Variants in RFX1 observed in about 807,000 individuals in gnomAD.
RFX1 encodes the protein MHC class II regulatory factor RFX1.
A neutral mutation model predicts 119.6 loss-of-function variants in RFX1; 42 were observed. The ratio of observed to expected loss-of-function variants is 0.35; its 90% confidence interval spans 0.27 to 0.45. RFX1 has a LOEUF of 0.45. Among genes scored for constraint, RFX1 ranks in the 20% least tolerant of loss-of-function variants. RFX1 has a pLI of 1.00. For missense variants in RFX1, 1,118 were observed against 1,368.1 expected, an observed-to-expected ratio of 0.82 and a Z score of 2.88; for synonymous variants, 628 against 618.5, an observed-to-expected ratio of 1.02 and a Z score of -0.23.
chr19:13,988,865 T>C (rs1974703499), intron 2 of RFX1, among the ~76,000 whole-genome samples: 1 of 151,886 alleles, frequency 6.6e-6, no homozygotes, highest in South Asian at 2.1e-4. Context: ...TACCAAAAAA[T>C]ACAAAAATTA....
intron 8 of RFX1, 71 bp from the exon 9 acceptor site, chr19:13,973,198 A>C: frequency 2.0e-5 from 17 of 855,512 alleles, no homozygotes; most frequent in East Asian, 3.5e-5. Context: ...ATGACTGTGC[A>C]GGAAGGGGGG....
In RFX1 at chr19:13,990,159, G is replaced by A. The variant is rs562089321; in HGVS notation, c.319+3366C>T. On this transcript the variant is annotated intron_variant, in intron 2 of 20. Transcript: ENST00000254325. This position sits in a 1 kb window ranked among gnomAD's most constrained non-coding sequence, Gnocchi z 4.1. The stretch of plus-strand genomic sequence containing the variant: ...GACACAGGATGAGGCCATCGTTAAG[G>A]GAGAACTACAGGAGCTAAGAGAGGT... Among the ~76,000 whole-genome samples the A allele has an allele frequency of 6.6e-6, 1 of 152,214 alleles. No individual in the cohort carries two copies. The highest frequency in any genetic ancestry group is 2.4e-5 in the African/African-American group (1 of 41,536).
intron 8 of RFX1, among the ~76,000 whole-genome samples, chr19:13,975,298 G>T (rs1487119611): frequency 6.6e-6 from 1 of 151,674 alleles, no homozygotes; most frequent in East Asian, 1.9e-4. Flanking sequence ...GAAGGTGGAG[G>T]TTGCAGTGAG....
chr19:13,964,135 CT>C (rs958728923), intron 16 of RFX1, 128 bp from the exon 17 acceptor site: 1 of 1,045,112 alleles, frequency 9.6e-7, no homozygotes, highest in African/African-American at 1.6e-5. Context: ...TGCCTCGCTA[CT>C]TTTGTTGGGA....
rs1249964454 is a variant in RFX1 at position 13,983,508 on chromosome 19, T to C, written c.407A>G (p.Gln136Arg). 6.2e-7 allele frequency: 1 copy of C among 1,610,958 alleles called. No homozygotes were observed. The highest frequency in any genetic ancestry group is 1.1e-5 in the South Asian group (1 of 90,780). The change falls in exon 3 of 21, where the codon CAG becomes CGG. Residue 136 changes from glutamine (Q) to arginine (R), a missense_variant. Gln to Arg is a conservative substitution (Grantham distance 43). Coordinates refer to ENST00000254325, the MANE Select transcript of RFX1 (RefSeq NM_002918.5). ...SQTGVPTQVV[Q>R]QVQGTQQRLL... ...TACCTGCTGGGTGCCCTGCACCTGC[T>C]GAACCACCTGAGTAGGAACGCCGGT...
chr19:13,974,341 C>T (rs923693019), intron 8 of RFX1, among the ~76,000 whole-genome samples: 21 of 152,178 alleles, frequency 1.4e-4, no homozygotes, highest in Non-Finnish European at 2.2e-4. Context: ...GGAAGCCTCT[C>T]TCCTTCAGAT....
chr19:13,975,971 A>G (rs1258169483), intron 8 of RFX1, among the ~76,000 whole-genome samples: 1 of 152,252 alleles, frequency 6.6e-6, no homozygotes, highest in African/African-American at 2.4e-5. Flanking sequence ...CACACACACT[A>G]TGATCACTGA....
chr19:13,991,660 C>T lies in RFX1; in HGVS notation c.319+1865G>A, dbSNP rs115767110. Among the ~76,000 whole-genome samples the T allele has an allele frequency of 5.2e-3, 786 of 152,146 alleles. 6 individuals carry two copies. The highest frequency in any genetic ancestry group is 0.018 in the African/African-American group (741 of 41,510). On this transcript the variant is annotated intron_variant, in intron 2 of 20. Transcript: ENST00000254325. ...TTCCACAACGGGGCCAATTGCTACA[C>T]TTTTCATTACTTTTTTTTTGAGATG...
intron 2 of RFX1, among the ~76,000 whole-genome samples, chr19:13,989,144 TG>T (rs1974714341): frequency 6.6e-6 from 1 of 151,890 alleles, no homozygotes; most frequent in Non-Finnish European, 1.5e-5. Flanking sequence ...CCAGAGGGTC[TG>T]GGGCAGGGAG....
chr19:13,967,880 G>A (rs976804949), intron 12 of RFX1, among the ~76,000 whole-genome samples: 4 of 152,190 alleles, frequency 2.6e-5, no homozygotes, highest in Admixed American at 6.5e-5. Context: ...GAAAGCGAGT[G>A]GGCCTCACAG....
chr19:13,979,378 G>T (rs1974356610), intron 7 of RFX1, 69 bp downstream of exon 7: 2 of 1,072,424 alleles, frequency 1.9e-6, no homozygotes, highest in Non-Finnish European at 2.6e-6. Flanking sequence ...GGCCTCAGGG[G>T]CCTGCACTCC....
rs547146987 is a variant in RFX1, at chr19:13,975,062, G to A, written c.930-1935C>T. 4.2e-5 allele frequency among the ~76,000 whole-genome samples: 6 copies of A among 144,480 alleles called. No individual in the cohort carries two copies. In the South Asian group the frequency reaches 1.3e-3, roughly 32 times the overall value. The allele number at this position is 144,480 out of a possible 152,430, so 94.8% of individuals were successfully genotyped here. A position where few individuals can be genotyped will look rare whatever the true frequency, so the allele number is the denominator to read the frequency against. Reference sequence around the variant, plus strand: ...CCACCTCAAAAAAAAAAAAAAAAAGGGAGGGGGGCAGGGGCAGGCACGGTG... The same window carrying A: ...CCACCTCAAAAAAAAAAAAAAAAAGAGAGGGGGGCAGGGGCAGGCACGGTG... On this transcript the variant is annotated intron_variant, in intron 8 of 20. Transcript: ENST00000254325.
chr19:13,966,769 A>G lies in RFX1; in HGVS notation c.1733-18T>C. On this transcript the variant is annotated intron_variant, in intron 12 of 20. Coordinates refer to ENST00000254325, the MANE Select transcript of RFX1 (RefSeq NM_002918.5). The surrounding 1 kb of genome is among the most constrained non-coding windows in gnomAD (Gnocchi z 6.3). ...AGAGGCATCTAGGGGGCCGGGGGGA[A>G]CCGTGAGGCCCTTCATCCCCCTTGC... 1 of 1,544,968 alleles carries G rather than the reference A, an allele frequency of 6.5e-7. No individual in the cohort carries two copies.
rs1411431376 is a variant in RFX1 at position 13,990,035 on chromosome 19, C to G, written c.319+3490G>C. ...TGGCTGCACTGGCCTGCATCAAATT[C>G]AACACCAAGTGGATGAGTCAGGAGG... is the stretch of plus-strand genomic sequence containing the variant. On this transcript the variant is annotated intron_variant, in intron 2 of 20. Coordinates refer to ENST00000254325, the MANE Select transcript of RFX1 (RefSeq NM_002918.5). The surrounding 1 kb of genome is among the most constrained non-coding windows in gnomAD (Gnocchi z 4.1). Among the ~76,000 whole-genome samples, 2 of 152,116 alleles carry G rather than the reference C, an allele frequency of 1.3e-5. No individual in the cohort carries two copies. The highest frequency in any genetic ancestry group is 4.8e-5 in the African/African-American group (2 of 41,426).
Position 13,963,873 on chromosome 19 carries a change from G to A in RFX1, c.2346C>T (p.Asp782=), listed in dbSNP as rs764004085. The A allele has an allele frequency of 5.2e-6, 8 of 1,545,858 alleles. No individual in the cohort carries two copies. The highest frequency in any genetic ancestry group is 4.8e-5 in the South Asian group (4 of 83,894). ...NQMLSDLNRV[D]FANVQEQASW... ...CCGCGCTCACCTGCACGTTGGCGAA[G>A]TCCACGCGGTTGAGGTCGCTCAGCA... Residue 782 remains aspartate, a synonymous_variant, in exon 17 of 21, where the codon GAC becomes GAT. Transcript: ENST00000254325.
At chr19:13,976,928 G>A (rs890504074) in intron 8 of RFX1, among the ~76,000 whole-genome samples, 3 of 151,726 alleles carry the variant, frequency 2.0e-5, no homozygotes, top group East Asian at 3.9e-4. Flanking sequence ...GCTTGAGCCC[G>A]TGAGCTGCAG....
Position 13,968,576 on chromosome 19 carries a change from T to G in RFX1, c.1721A>C (p.Gln574Pro). Reference protein sequence around the residue: ...SDISAQVQQYQQFLDASRSLP... With the variant: ...SDISAQVQQYPQFLDASRSLP... ...CAGGGAGCTCTCACCCAAAAATTGC[T>G]GGTACTGCTGCACCTGGGCGCTGAT... is the stretch of plus-strand genomic sequence containing the variant. Residue 574 changes from glutamine (Q) to proline (P), a missense_variant, in exon 12 of 21, where the codon CAG becomes CCG. This residue lies in a region of RFX1 where 338 missense variants were observed against 508.9 expected (regional missense o/e 0.66). Coordinates refer to ENST00000254325, the MANE Select transcript of RFX1 (RefSeq NM_002918.5). This position sits in a 1 kb window ranked among gnomAD's most constrained non-coding sequence, Gnocchi z 5.5. 1 of 1,613,212 alleles carries G rather than the reference T, an allele frequency of 6.2e-7. No individual in the cohort carries two copies. The highest frequency in any genetic ancestry group is 1.1e-5 in the South Asian group (1 of 91,070).
At chr19:13,996,918 T>C (rs1975046110) in intron 1 of RFX1, among the ~76,000 whole-genome samples, 1 of 152,052 alleles carries the variant, frequency 6.6e-6, no homozygotes, top group Admixed American at 6.6e-5. Flanking sequence ...GAGACAGGGT[T>C]TCACCATGTT....
At chr19:13,991,669 A>C (rs1424496426) in intron 2 of RFX1, among the ~76,000 whole-genome samples, 1 of 151,550 alleles carries the variant, frequency 6.6e-6, no homozygotes, top group Non-Finnish European at 1.5e-5. Context: ...ACTTTTCATT[A>C]CTTTTTTTTT....
Sources: gnomAD v4.1 joint callset for allele counts (sites outside exome capture counted in the v4.1 genomes callset) on GRCh38, gnomAD v4.1.1 for gene constraint, gnomAD v4.1.1 regional missense constraint, Gnocchi (gnomAD v3.1) non-coding constraint, MANE v1.5 for transcripts, NCBI Gene and HGNC (gene_info 2026-07-23, HGNC 2026-07-21) for gene names.